The following ENOX1 variants were observed in gnomAD, a reference collection of about 807,000 sequenced individuals.
ENOX1 encodes candidate growth-related and time keeping constitutive hydroquinone (NADH) oxidase.
Under a neutral mutation model 82.5 loss-of-function variants are expected in ENOX1, and 42 were observed. The observed-to-expected ratio is 0.51, with a 90% CI of 0.40 to 0.66. The LOEUF (loss-of-function observed/expected upper bound fraction) is 0.66. ENOX1 is among the 30% of genes least tolerant of loss of function. ENOX1 has a pLI of 0.00. For missense variants in ENOX1, 608 were observed against 811.6 expected (o/e 0.75, Z 3.05); for synonymous variants, 271 against 282.2 (o/e 0.96, Z 0.40).
intron 3 of ENOX1, among the ~76,000 whole-genome samples, chr13:43,481,187 G>A (rs1013590190): frequency 2.0e-4 from 30 of 151,984 alleles, no homozygotes; most frequent in African/African-American, 6.3e-4. Context: ...CATACTTCCC[G>A]ATGTCGAAAT....
chr13:43,258,366 C>T (rs967185822), intron 14 of ENOX1, among the ~76,000 whole-genome samples: 1 of 152,054 alleles, frequency 6.6e-6, no homozygotes, highest in Non-Finnish European at 1.5e-5. Flanking sequence ...GCAGCACATA[C>T]AGTTAATTCA....
intron 2 of ENOX1, among the ~76,000 whole-genome samples, chr13:43,594,026 A>C (rs1191267286): frequency 6.6e-6 from 1 of 152,022 alleles, no homozygotes; most frequent in Non-Finnish European, 1.5e-5. Flanking sequence ...GCCAGGCCCC[A>C]TTGTGCTCGG....
At chr13:43,434,521 C>T (rs573715455) in intron 3 of ENOX1, among the ~76,000 whole-genome samples, 82 of 152,280 alleles carry the variant, frequency 5.4e-4, no homozygotes, top group African/African-American at 1.9e-3. Flanking sequence ...CAATTTTCTA[C>T]AACCACTTGC....
In ENOX1 at chr13:43,639,624, A is replaced by T. The variant is rs1406723814; in HGVS notation, c.-219+27855T>A. Among the ~76,000 whole-genome samples, 8 of 152,320 alleles carry T rather than the reference A, an allele frequency of 5.3e-5. No homozygotes were observed. The East Asian group carries it at 9.6e-4, about 18-fold the overall frequency. ...ATGCATTTTTGGTGTCACTGAAGAG[A>T]CCACCAGCATTCATGACTCTAAGCC... On this transcript the variant is annotated intron_variant, in intron 2 of 16. Coordinates refer to ENST00000690772, the MANE Select transcript of ENOX1 (RefSeq NM_001347969.2).
intron 11 of ENOX1, among the ~76,000 whole-genome samples, chr13:43,311,437 C>T (rs1285815811): frequency 6.6e-6 from 1 of 151,968 alleles, no homozygotes; most frequent in Non-Finnish European, 1.5e-5. Flanking sequence ...GTTTTAATTT[C>T]CTATCCATTC....
At chr13:43,483,218 C>T (rs1423172472) in intron 3 of ENOX1, among the ~76,000 whole-genome samples, 1 of 152,208 alleles carries the variant, frequency 6.6e-6, no homozygotes, top group African/African-American at 2.4e-5. Context: ...TTTTCATCCA[C>T]TCAATGTACC....
intron 9 of ENOX1, among the ~76,000 whole-genome samples, chr13:43,335,927 CCT>C (rs2048681742): frequency 6.6e-6 from 1 of 152,032 alleles, no homozygotes; most frequent in Admixed American, 6.6e-5. Context: ...ATATTTATTC[CCT>C]GAGACCAAAG....
At chr13:43,758,363 G>GAA (rs201601724) in intron 1 of ENOX1, among the ~76,000 whole-genome samples, 1 of 151,182 alleles carries the variant, frequency 6.6e-6, no homozygotes, top group African/African-American at 2.4e-5. Context: ...ATGCTGAGAG[G>GAA]AAAAAAAAAG....
At chr13:43,748,771 G>C (rs1271064813) in intron 1 of ENOX1, among the ~76,000 whole-genome samples, 2 of 152,106 alleles carry the variant, frequency 1.3e-5, no homozygotes, top group Non-Finnish European at 2.9e-5. Context: ...TTACAGCAAT[G>C]TTATTGTCCT....
chr13:43,386,236 C>T (rs867622197), intron 5 of ENOX1, among the ~76,000 whole-genome samples: 17 of 152,172 alleles, frequency 1.1e-4, no homozygotes, highest in Non-Finnish European at 2.1e-4. Flanking sequence ...AACAAAAACT[C>T]TTTGATGGCA....
At chr13:43,345,771 A>G (rs1264140141) in intron 8 of ENOX1, among the ~76,000 whole-genome samples, 1 of 152,212 alleles carries the variant, frequency 6.6e-6, no homozygotes, top group Non-Finnish European at 1.5e-5. Flanking sequence ...AATGTGCTTT[A>G]GGGAAAAATA....
chr13:43,505,588 T>G (rs1234110533), intron 2 of ENOX1, among the ~76,000 whole-genome samples: 1 of 152,034 alleles, frequency 6.6e-6, no homozygotes, highest in Non-Finnish European at 1.5e-5. Context: ...CTTCGCCCAC[T>G]TTTTGATGGG....
intron 1 of ENOX1, among the ~76,000 whole-genome samples, chr13:43,668,511 A>G (rs1407247075): frequency 6.6e-6 from 1 of 152,230 alleles, no homozygotes; most frequent in Non-Finnish European, 1.5e-5. Context: ...GAACATGTAG[A>G]CTAATTGTAA....
intron 11 of ENOX1, among the ~76,000 whole-genome samples, chr13:43,305,847 C>A (rs1014889527): frequency 6.6e-6 from 1 of 152,194 alleles, no homozygotes; most frequent in Non-Finnish European, 1.5e-5. Flanking sequence ...GGTGAGGATG[C>A]CTTTAGAGTC....
chr13:43,510,515 T>G (rs947517743), intron 2 of ENOX1, among the ~76,000 whole-genome samples: 1 of 152,124 alleles, frequency 6.6e-6, no homozygotes, highest in Non-Finnish European at 1.5e-5. Context: ...CAAATTAAAT[T>G]CTAAAAGGTG....
chr13:43,570,869 T>C (rs910613223), intron 2 of ENOX1, among the ~76,000 whole-genome samples: 3 of 152,174 alleles, frequency 2.0e-5, no homozygotes, highest in African/African-American at 7.2e-5. Flanking sequence ...TTACATATTG[T>C]ATATTTTAGG....
intron 2 of ENOX1, among the ~76,000 whole-genome samples, chr13:43,487,979 T>C (rs1009644344): frequency 6.6e-6 from 1 of 152,232 alleles, no homozygotes; most frequent in African/African-American, 2.4e-5. Context: ...ATTTATAGAT[T>C]TAACATATAG....
intron 2 of ENOX1, among the ~76,000 whole-genome samples, chr13:43,637,877 T>G (rs1162147874): frequency 6.6e-6 from 1 of 152,162 alleles, no homozygotes. Context: ...TGGGTTTAAT[T>G]TGAAATCCAT....
At chr13:43,616,212 T>G (rs1256824743) in intron 2 of ENOX1, among the ~76,000 whole-genome samples, 1 of 63,246 alleles carries the variant, frequency 1.6e-5, no homozygotes, top group African/African-American at 4.2e-5. Flanking sequence ...ATATTTTTTT[T>G]TTTTTTTTAG....
Sources: allele counts gnomAD v4.1 joint callset (sites outside exome capture counted in the v4.1 genomes callset), GRCh38; gene constraint gnomAD v4.1.1; transcripts MANE v1.5; gene names NCBI Gene and HGNC (gene_info 2026-07-23, HGNC 2026-07-21).